The following SPNS3 variants were observed in gnomAD, a reference collection of about 807,000 sequenced individuals.
SPNS3 encodes the protein SPNS lysolipid transporter 3, sphingosine-1-phosphate (putative), also known as protein spinster homolog 3.
In SPNS3, 51 loss-of-function variants were observed where a neutral mutation model predicts 54.4. That is an observed-to-expected ratio of 0.94 (90% CI 0.75 to 1.18). SPNS3 has a LOEUF of 1.18. Ranked by LOEUF, SPNS3 falls within the 50% of genes most tolerant of loss-of-function variation. SPNS3 has a pLI of 0.00. For synonymous variants in SPNS3, 309 were observed against 294.7 expected (o/e 1.05, Z -0.50); for missense variants, 669 against 677.4 (o/e 0.99, Z 0.14).
intron 8 of SPNS3, among the ~76,000 whole-genome samples, chr17:4,456,893 T>G (rs1399475298): frequency 6.6e-6 from 1 of 152,284 alleles, no homozygotes; most frequent in East Asian, 1.9e-4. Flanking sequence ...TTTTGTATTT[T>G]TGGTAGAGAT....
intron 9 of SPNS3, among the ~76,000 whole-genome samples, chr17:4,481,269 C>T (rs1972143805): frequency 6.6e-6 from 1 of 151,688 alleles, no homozygotes; most frequent in Non-Finnish European, 1.5e-5. Flanking sequence ...TGGAATCCAG[C>T]ACTGGGGGAG....
At chr17:4,471,427 C>T (rs1432297405) in intron 8 of SPNS3, among the ~76,000 whole-genome samples, 1 of 152,084 alleles carries the variant, frequency 6.6e-6, no homozygotes, top group East Asian at 1.9e-4. Context: ...AGTTTATTTT[C>T]TTTTGGTTCA....
rs866020565 is a variant in SPNS3, at chr17:4,476,069, G to A, written c.1114-2503G>A. ...GCTCAGCAAGGCAGGGTGGGGCTGC[G>A]CCCGTCCACCCCAGGAGGTCACACC... On this transcript the variant is annotated intron_variant, in intron 8 of 11. Coordinates refer to ENST00000355530, the MANE Select transcript of SPNS3 (RefSeq NM_182538.5). 5.9e-5 allele frequency among the ~76,000 whole-genome samples: 9 copies of A among 152,330 alleles called. 1 individual carries two copies. The Middle Eastern group carries it at 0.017, about 288-fold the overall frequency.
At chr17:4,444,852 C>T (rs188645209) in intron 2 of SPNS3, 180 bp from the exon 3 acceptor site, 112 of 728,462 alleles carry the variant, frequency 1.5e-4, no homozygotes, top group East Asian at 1.5e-3. Context: ...CTCTGGGCTG[C>T]GGCTGCATGT....
chr17:4,478,108 A>C (rs59167453), intron 8 of SPNS3, among the ~76,000 whole-genome samples: 4,001 of 151,466 alleles, frequency 0.026, 178 homozygotes, highest in African/African-American at 0.091. Flanking sequence ...AGTAGCTGGA[A>C]CTACAGGTGT....
chr17:4,442,265 C>T (rs948165498), intron 2 of SPNS3, among the ~76,000 whole-genome samples: 10 of 151,908 alleles, frequency 6.6e-5, no homozygotes, highest in African/African-American at 2.2e-4. Flanking sequence ...GGGCTGGGCA[C>T]GGTGGCTCAC....
At chr17:4,447,217 A>C (rs1220387255) in intron 5 of SPNS3, among the ~76,000 whole-genome samples, 5 of 152,150 alleles carry the variant, frequency 3.3e-5, no homozygotes, top group Non-Finnish European at 5.9e-5. Context: ...CTTCTTCTTC[A>C]GAGCCTCAGT....
At chr17:4,470,227 G>A (rs867959275) in intron 8 of SPNS3, among the ~76,000 whole-genome samples, 3 of 151,894 alleles carry the variant, frequency 2.0e-5, no homozygotes, top group South Asian at 2.1e-4. Flanking sequence ...TCAGGAGTTC[G>A]AGACCAGCCT....
rs144604954 is a variant in SPNS3, at chr17:4,449,226, G to A, written c.771-9G>A. On this transcript the variant is annotated splice_polypyrimidine_tract_variant and intron_variant, in intron 6 of 11. Transcript: ENST00000355530. The stretch of plus-strand genomic sequence containing the variant: ...CTCCCAACTCCAGCTGGGGCACCTC[G>A]TCTTGCAGCTGGAGTTTCGTGTGGT... The A allele has an allele frequency of 2.5e-5, 40 of 1,609,186 alleles. No individual in the cohort carries two copies. Among genetic ancestry groups the A allele is most frequent in the African/African-American group, 1.7e-4 (13 of 74,946 alleles).
At chr17:4,461,897 G>C (rs1971517246) in intron 8 of SPNS3, among the ~76,000 whole-genome samples, 2 of 152,134 alleles carry the variant, frequency 1.3e-5, no homozygotes, top group African/African-American at 4.8e-5. Flanking sequence ...GGAGGTGTTA[G>C]TAGACAGTTG....
At position 4,478,621 on chromosome 17, in the gene SPNS3, T is replaced by C. The variant is rs748742646; in HGVS notation, c.1163T>C (p.Val388Ala). The change falls in exon 9 of 12, where the codon GTT becomes GCT. Residue 388 changes from valine (V) to alanine (A), a missense_variant. Coordinates refer to ENST00000355530, the MANE Select transcript of SPNS3 (RefSeq NM_182538.5). ...CTTCTGTCCTGCAACTGGGCAGTGG[T>C]TGCCGACATCCTGCTGGTAGGTGTG... is the stretch of plus-strand genomic sequence containing the variant. Reference protein sequence around the residue: ...ELLLSCNWAVVADILLSVVVP... With the variant: ...ELLLSCNWAVAADILLSVVVP... The C allele has an allele frequency of 2.9e-5, 46 of 1,589,958 alleles. No individual in the cohort carries two copies. In the East Asian group the frequency reaches 1.0e-3, roughly 36 times the overall value.
At chr17:4,468,119 C>T (rs1485065611) in intron 8 of SPNS3, among the ~76,000 whole-genome samples, 2 of 152,126 alleles carry the variant, frequency 1.3e-5, no homozygotes. Context: ...TTAACAGGCT[C>T]TCTCTGGCTG....
chr17:4,454,960 C>T (rs1429636078), intron 8 of SPNS3, among the ~76,000 whole-genome samples: 1 of 149,946 alleles, frequency 6.7e-6, no homozygotes, highest in Non-Finnish European at 1.5e-5. Context: ...GTTGCCCAGG[C>T]TGGAGTGCGG....
chr17:4,451,516 CAGTCCCGCAGAGTCATCAGTGCT>C, intron 7 of SPNS3, among the ~76,000 whole-genome samples: 1 of 152,238 alleles, frequency 6.6e-6, no homozygotes, highest in Middle Eastern at 3.4e-3. Context: ...CAGCGTGGAC[CAGTCCCGCAGAGTCATCAGTGCT>C]GGTCAGGAGC....
At chr17:4,481,941 T>G (rs1434012653) in intron 9 of SPNS3, 1 of 151,170 alleles carries the variant, frequency 6.6e-6, no homozygotes, top group African/African-American at 2.4e-5. Context: ...CAGGCTGGAG[T>G]GCAGTGGTGC....
intron 2 of SPNS3, among the ~76,000 whole-genome samples, chr17:4,440,762 T>C (rs1970828665): frequency 6.6e-6 from 1 of 152,098 alleles, no homozygotes; most frequent in African/African-American, 2.4e-5. Context: ...CAGGGGGACC[T>C]TGGGAGCAAA....
intron 8 of SPNS3, among the ~76,000 whole-genome samples, chr17:4,459,576 G>T (rs1341043237): frequency 6.6e-6 from 1 of 152,120 alleles, no homozygotes; most frequent in Non-Finnish European, 1.5e-5. Context: ...AGCTGGGCAT[G>T]GTGGTGTGTG....
rs200580959 is a variant in SPNS3, at chr17:4,449,400, G to A, written c.923+13G>A. On this transcript the variant is annotated intron_variant, in intron 7 of 11. Transcript: ENST00000355530. ...GCAACCCCGACAGGTGAGGGCATCC[G>A]GGGGCCCTGGGCACCTGGCCCGGCT... The A allele has an allele frequency of 2.6e-5, 41 of 1,567,156 alleles. No homozygotes were observed. The East Asian group carries it at 6.4e-4, about 24-fold the overall frequency.
intron 1 of SPNS3, 47 bp downstream of exon 1, chr17:4,434,213 C>G: frequency 6.6e-7 from 1 of 1,523,354 alleles, no homozygotes; most frequent in Middle Eastern, 1.7e-4. Context: ...GCTGTGCCCA[C>G]CAGCCAGGGG....
Sources: gnomAD v4.1 joint callset for allele counts (sites outside exome capture counted in the v4.1 genomes callset) on GRCh38, gnomAD v4.1.1 for gene constraint, MANE v1.5 for transcripts, NCBI Gene and HGNC (gene_info 2026-07-23, HGNC 2026-07-21) for gene names.